MIDEAS: variants seen among roughly 807,000 people sequenced by gnomAD.
MIDEAS encodes mitotic deacetylase-associated SANT domain protein.
A neutral mutation model predicts 102.7 loss-of-function variants in MIDEAS; 26 were observed. That is an observed-to-expected ratio of 0.25 (90% CI 0.19 to 0.35). The LOEUF is 0.35. Ranked by LOEUF, MIDEAS falls within the 10% of genes least tolerant of loss-of-function variation. MIDEAS has a pLI of 1.00. For synonymous variants in MIDEAS, 585 were observed against 591.0 expected (o/e 0.99, Z 0.15); for missense variants, 1,231 against 1,435.6 (o/e 0.86, Z 2.30).
intron 12 of MIDEAS, 29 bp downstream of exon 12, chr14:73,719,276 C>T: frequency 6.7e-7 from 1 of 1,492,268 alleles, no homozygotes; most frequent in South Asian, 1.1e-5. Context: ...CCGCGGGGGT[C>T]CCAGCGGGGA....
chr14:73,752,721 T>C (rs763820100), intron 1 of MIDEAS, among the ~76,000 whole-genome samples: 3 of 152,232 alleles, frequency 2.0e-5, no homozygotes, highest in Non-Finnish European at 4.4e-5. Flanking sequence ...CTGGTCAAGA[T>C]GCAAGACTTT....
In MIDEAS at chr14:73,742,308, G is replaced by A. The variant is rs142252369; in HGVS notation, c.-247-2053C>T. Among the ~76,000 whole-genome samples the A allele has an allele frequency of 1.7e-3, 262 of 152,310 alleles. No individual in the cohort carries two copies. Among genetic ancestry groups the A allele is most frequent in the African/African-American group, 5.9e-3 (247 of 41,548 alleles). ...CCTGTCTCCTTGTGAGCCACAGCAC[G>A]GGCTTGAGGCCTGGAGCAAGGGAAG... is the stretch of plus-strand genomic sequence containing the variant. On this transcript the variant is annotated intron_variant, in intron 1 of 12. Transcript: ENST00000423556. This position sits in a 1 kb window ranked among gnomAD's most constrained non-coding sequence, Gnocchi z 4.4.
At position 73,718,900 on chromosome 14, in the gene MIDEAS, G is replaced by GGCGGCAGCA. The variant is rs1333186972; in HGVS notation, c.3234_3242dup (p.Ala1082_Ala1084dup). The GGCGGCAGCA allele has an allele frequency of 1.2e-5, 18 of 1,520,352 alleles. No individual in the cohort carries two copies. The highest frequency in any genetic ancestry group is 2.1e-5 in the Admixed American group (1 of 47,690). 94.2% of individuals were successfully genotyped at this position (1,520,352 alleles called of 1,614,324 possible). A position where few individuals can be genotyped will look rare whatever the true frequency, so the allele number is the denominator to read the frequency against. ...GCAGGGCCTGCTGGTGGGCGGCGGC[G>GGCGGCAGCA]GCGGCAGCAGCGGCCTCTTTCTCCT... On this transcript the variant is annotated inframe_insertion, in exon 13 of 13. Coordinates refer to ENST00000423556, the MANE Select transcript of MIDEAS (RefSeq NM_001367710.1).
chr14:73,746,057 T>G (rs1283165159), intron 1 of MIDEAS, among the ~76,000 whole-genome samples: 2 of 152,300 alleles, frequency 1.3e-5, no homozygotes, highest in Non-Finnish European at 1.5e-5. Context: ...TGCCTGAAGT[T>G]TGAGCTTACA....
chr14:73,767,968 G>A (rs2053606096), intron 1 of MIDEAS, among the ~76,000 whole-genome samples: 1 of 152,046 alleles, frequency 6.6e-6, no homozygotes, highest in Non-Finnish European at 1.5e-5. Flanking sequence ...AGACCAGCCT[G>A]GGCCACATGG....
At chr14:73,752,857 G>A (rs910489863) in intron 1 of MIDEAS, among the ~76,000 whole-genome samples, 2 of 152,192 alleles carry the variant, frequency 1.3e-5, no homozygotes, top group African/African-American at 2.4e-5. Flanking sequence ...GGCACAGCAT[G>A]CGGGCACAGC....
intron 1 of MIDEAS, among the ~76,000 whole-genome samples, chr14:73,767,470 G>C (rs896029849): frequency 6.7e-6 from 1 of 150,090 alleles, no homozygotes; most frequent in Admixed American, 6.6e-5. Context: ...GACCTGTCTC[G>C]AAAAAAAAAT....
chr14:73,719,245 C>A, intron 12 of MIDEAS, 60 bp downstream of exon 12: 1 of 1,538,916 alleles, frequency 6.5e-7, no homozygotes, highest in East Asian at 2.4e-5. Flanking sequence ...CACCCCACCC[C>A]CGCCCCCTCC....
intron 1 of MIDEAS, among the ~76,000 whole-genome samples, chr14:73,775,903 G>C (rs2053684384): frequency 6.6e-6 from 1 of 151,856 alleles, no homozygotes; most frequent in African/African-American, 2.4e-5. Flanking sequence ...CAAAGCTGTA[G>C]CTCCTTTAGC....
chr14:73,718,235 A>G lies in MIDEAS; in HGVS notation c.*608T>C, dbSNP rs111854480. 9,738 of 152,390 alleles carry G rather than the reference A, an allele frequency of 0.064. 1,066 individuals are homozygous for G. The highest frequency in any genetic ancestry group is 0.22 in the African/African-American group (9,232 of 41,484). 9.4% of individuals were successfully genotyped at this position (152,390 alleles called of 1,614,324 possible). On this transcript the variant is annotated 3_prime_UTR_variant, in exon 13 of 13. Coordinates refer to ENST00000423556, the MANE Select transcript of MIDEAS (RefSeq NM_001367710.1). ...GAGTACCTGCCGCGGCCTCCCTCCC[A>G]AGGAGGAGGTGGCCACTCAGGACAC...
chr14:73,736,627 C>T (rs7143843), intron 3 of MIDEAS, among the ~76,000 whole-genome samples: 121,895 of 149,092 alleles, frequency 0.82, 50,388 homozygotes, highest in East Asian at 0.94. Context: ...CAAGACTCTG[C>T]CTCAGAAAAA....
At chr14:73,783,006 T>A (rs907582075) in intron 1 of MIDEAS, among the ~76,000 whole-genome samples, 1 of 152,122 alleles carries the variant, frequency 6.6e-6, no homozygotes, top group African/African-American at 2.4e-5. Flanking sequence ...TGTATCAGCA[T>A]CACAAAACAT....
intron 9 of MIDEAS, chr14:73,724,641 G>A (rs530028365): frequency 6.4e-6 from 1 of 155,368 alleles, no homozygotes; most frequent in East Asian, 1.9e-4. Flanking sequence ...CAAGAGGAAA[G>A]GGCATGCTCT....
chr14:73,771,677 G>A (rs77466763), intron 1 of MIDEAS, among the ~76,000 whole-genome samples: 3,854 of 152,318 alleles, frequency 0.025, 85 homozygotes, highest in Non-Finnish European at 0.035. Context: ...CTGCAGCTGC[G>A]CGTCCCAGCA....
intron 3 of MIDEAS, among the ~76,000 whole-genome samples, chr14:73,734,200 GTCTCGATCTCTTGACCT>G (rs747122784): frequency 9.9e-5 from 15 of 151,974 alleles, no homozygotes; most frequent in Non-Finnish European, 1.5e-4. Context: ...GGCCAGGATG[GTCTCGATCTCTTGACCT>G]CGTGATCCGC....
At chr14:73,750,763 C>T (rs140229092) in intron 1 of MIDEAS, among the ~76,000 whole-genome samples, 5 of 152,324 alleles carry the variant, frequency 3.3e-5, no homozygotes, top group East Asian at 1.9e-4. Flanking sequence ...GAAATAAACT[C>T]GTCCGAGGAC....
intron 1 of MIDEAS, among the ~76,000 whole-genome samples, chr14:73,750,969 C>T (rs1011580005): frequency 1.3e-5 from 2 of 152,220 alleles, no homozygotes; most frequent in Admixed American, 6.5e-5. Flanking sequence ...GTGCTAAGCA[C>T]ACTACACACA....
At chr14:73,763,742 C>T (rs1327963649), upstream of MIDEAS, among the ~76,000 whole-genome samples, 1 of 152,104 alleles carries the variant, frequency 6.6e-6, no homozygotes, top group Non-Finnish European at 1.5e-5. Context: ...GTACAACCTC[C>T]AGGACCTCAT....
At chr14:73,788,747 A>G (rs1159541753), upstream of MIDEAS, among the ~76,000 whole-genome samples, 3 of 152,226 alleles carry the variant, frequency 2.0e-5, no homozygotes, top group African/African-American at 7.2e-5. Flanking sequence ...GGGATTGCCC[A>G]TTTCAATTTT....
Sources: allele counts gnomAD v4.1 joint callset (sites outside exome capture counted in the v4.1 genomes callset), GRCh38; gene constraint gnomAD v4.1.1; non-coding constraint Gnocchi (gnomAD v3.1); transcripts MANE v1.5; gene names NCBI Gene and HGNC (gene_info 2026-07-23, HGNC 2026-07-21).